RAB28: variants seen among roughly 807,000 people sequenced by gnomAD.
RAB28 encodes RAB28, member RAS oncogene family.
In RAB28, 24 loss-of-function variants were observed where a neutral mutation model predicts 31.7. That is an observed-to-expected ratio of 0.76 (90% CI 0.55 to 1.06). The LOEUF is 1.06. RAB28 is among the 50% of genes least tolerant of loss of function. The pLI, the probability that RAB28 is intolerant of heterozygous loss-of-function variation, is 0.00. For synonymous variants in RAB28, 100 were observed against 90.4 expected (o/e 1.11, Z -0.60); for missense variants, 254 against 258.5 (o/e 0.98, Z 0.12).
At chr4:13,450,151 T>C (rs534643758) in intron 4 of RAB28, among the ~76,000 whole-genome samples, 20 of 151,820 alleles carry the variant, frequency 1.3e-4, no homozygotes, top group African/African-American at 4.8e-4. Context: ...AAACTGTAAT[T>C]CAGTACAGAT....
intron 4 of RAB28, among the ~76,000 whole-genome samples, chr4:13,420,068 AG>A (rs1458081668): frequency 6.6e-6 from 1 of 152,226 alleles, no homozygotes; most frequent in Non-Finnish European, 1.5e-5. Flanking sequence ...AAAATGATAA[AG>A]GGGATATCAC....
At chr4:13,405,928 T>C (rs563814267) in intron 4 of RAB28, among the ~76,000 whole-genome samples, 1 of 152,276 alleles carries the variant, frequency 6.6e-6, no homozygotes, top group Non-Finnish European at 1.5e-5. Context: ...AAAATAATTA[T>C]AAATAGAAAA....
At chr4:13,475,392 A>G (rs538178973) in intron 2 of RAB28, among the ~76,000 whole-genome samples, 3 of 151,592 alleles carry the variant, frequency 2.0e-5, no homozygotes, top group Non-Finnish European at 3.0e-5. Flanking sequence ...TTTGCAAATC[A>G]AAAGAAAATA....
intron 4 of RAB28, among the ~76,000 whole-genome samples, chr4:13,419,342 G>A (rs958846759): frequency 5.9e-5 from 9 of 152,230 alleles, no homozygotes; most frequent in East Asian, 3.9e-4. Flanking sequence ...ACAGATCAAC[G>A]AGACAGAAGG....
chr4:13,433,120 T>C (rs1209279297), intron 4 of RAB28, among the ~76,000 whole-genome samples: 1 of 147,194 alleles, frequency 6.8e-6, no homozygotes, highest in African/African-American at 2.5e-5. Flanking sequence ...TGGAGAAAGA[T>C]CTATCATGCA....
Position 13,474,317 on chromosome 4 carries a change from C to T in RAB28, c.261+1G>A. The T allele has an allele frequency of 1.3e-6, 2 of 1,565,758 alleles. No homozygotes were observed. Among genetic ancestry groups the T allele is most frequent in the South Asian group, 2.2e-5 (2 of 88,944 alleles). The stretch of plus-strand genomic sequence containing the variant: ...TGGAATAATCAGAATTCATATCATA[C>T]CTGTGCTCCATAGATATATTTATCC... On this transcript the variant is annotated splice_donor_variant, in intron 3 of 6. Transcript: ENST00000330852. LOFTEE classifies it high-confidence loss of function.
At chr4:13,375,688 G>A (rs974215629) in intron 6 of RAB28, among the ~76,000 whole-genome samples, 17 of 152,030 alleles carry the variant, frequency 1.1e-4, no homozygotes, top group African/African-American at 3.9e-4. Context: ...CAAACTTTTA[G>A]AGTTTCAAAT....
intron 3 of RAB28, among the ~76,000 whole-genome samples, chr4:13,462,665 C>T (rs1232136919): frequency 6.6e-6 from 1 of 152,070 alleles, no homozygotes; most frequent in Admixed American, 6.6e-5. Flanking sequence ...CTCTAAAATT[C>T]GATATTTGAG....
intron 4 of RAB28, among the ~76,000 whole-genome samples, chr4:13,384,096 T>C (rs539214414): frequency 6.6e-6 from 1 of 152,104 alleles, no homozygotes; most frequent in Non-Finnish European, 1.5e-5. Flanking sequence ...CTCCAGAGCC[T>C]CACCCCTGCA....
intron 4 of RAB28, among the ~76,000 whole-genome samples, chr4:13,455,396 C>G (rs1408753411): frequency 1.3e-5 from 2 of 152,200 alleles, no homozygotes; most frequent in Admixed American, 1.3e-4. Context: ...GCAGTGGGGA[C>G]TGGTTCCCCT....
intron 4 of RAB28, among the ~76,000 whole-genome samples, chr4:13,444,248 C>T (rs1209199557): frequency 2.0e-5 from 3 of 151,978 alleles, no homozygotes; most frequent in South Asian, 4.1e-4. Context: ...AGGATGGTCT[C>T]GATCTCCTGA....
intron 4 of RAB28, among the ~76,000 whole-genome samples, chr4:13,398,006 A>G (rs1483762311): frequency 6.6e-6 from 1 of 151,920 alleles, no homozygotes; most frequent in African/African-American, 2.4e-5. Flanking sequence ...CAGACAGAGG[A>G]GGGAGCAAGT....
intron 4 of RAB28, among the ~76,000 whole-genome samples, chr4:13,405,329 T>C (rs1223471838): frequency 6.6e-6 from 1 of 152,176 alleles, no homozygotes; most frequent in Non-Finnish European, 1.5e-5. Context: ...ATATGTTCTA[T>C]GAAGCTGAAA....
intron 4 of RAB28, among the ~76,000 whole-genome samples, chr4:13,414,452 T>C (rs1006498310): frequency 1.3e-5 from 2 of 152,314 alleles, no homozygotes; most frequent in African/African-American, 4.8e-5. Context: ...AGGGGAACTA[T>C]AACAGGTAGT....
At chr4:13,474,935 C>G (rs890995258) in intron 2 of RAB28, among the ~76,000 whole-genome samples, 1 of 151,492 alleles carries the variant, frequency 6.6e-6, no homozygotes, top group Non-Finnish European at 1.5e-5. Context: ...CAGCTACTAT[C>G]GGATATGGCA....
At chr4:13,430,604 G>T (rs1442178771) in intron 4 of RAB28, among the ~76,000 whole-genome samples, 1 of 152,174 alleles carries the variant, frequency 6.6e-6, no homozygotes, top group African/African-American at 2.4e-5. Flanking sequence ...ATTCCCTTCA[G>T]ACCTGAACTG....
chr4:13,455,999 C>A (rs1458304194), intron 4 of RAB28, among the ~76,000 whole-genome samples: 1 of 152,194 alleles, frequency 6.6e-6, no homozygotes, highest in Non-Finnish European at 1.5e-5. Context: ...AACAACCAGA[C>A]ACAGCAAAAC....
At chr4:13,392,521 T>C (rs1389748120) in intron 4 of RAB28, among the ~76,000 whole-genome samples, 1 of 152,174 alleles carries the variant, frequency 6.6e-6, no homozygotes, top group East Asian at 1.9e-4. Context: ...TCTTCAGTTA[T>C]TTACAGATTC....
chr4:13,460,237 T>G (rs1483372404), intron 4 of RAB28, among the ~76,000 whole-genome samples: 1 of 152,154 alleles, frequency 6.6e-6, no homozygotes, highest in African/African-American at 2.4e-5. Context: ...CTTCGGTAAG[T>G]AAAGTCCAAG....
Sources: gnomAD v4.1 joint callset for allele counts (sites outside exome capture counted in the v4.1 genomes callset) on GRCh38, gnomAD v4.1.1 for gene constraint, MANE v1.5 for transcripts, NCBI Gene and HGNC (gene_info 2026-07-23, HGNC 2026-07-21) for gene names.